PRKN: variants seen among roughly 807,000 people sequenced by gnomAD.
The protein encoded by PRKN is E3 ubiquitin-protein ligase parkin.
Under a neutral mutation model 59.5 loss-of-function variants are expected in PRKN, and 56 were observed. That is an observed-to-expected ratio of 0.94 (90% CI 0.76 to 1.18). The LOEUF is 1.18. Among genes scored for constraint, PRKN ranks in the 50% most tolerant of loss-of-function variants. PRKN has a pLI of 0.00. For synonymous variants in PRKN, 250 were observed against 222.1 expected (o/e 1.13, Z -1.12); for missense variants, 657 against 596.4 (o/e 1.10, Z -1.06).
chr6:162,008,012 A>G (rs958424392), intron 5 of PRKN, among the ~76,000 whole-genome samples: 4 of 152,198 alleles, frequency 2.6e-5, no homozygotes, highest in African/African-American at 9.7e-5. Context: ...CACACACTTA[A>G]GCAAGATACT....
rs56965676 is a variant in PRKN at position 162,253,279 on chromosome 6, AAATCTAATCT to A, written c.412+9236_412+9245del. On this transcript the variant is annotated intron_variant, in intron 3 of 11. Coordinates refer to ENST00000366898, the MANE Select transcript of PRKN (RefSeq NM_004562.3). ...AGGCATGCTGGTGACAACAGGCAACAAATCTAATCTAATCTAATCTAATCTAATCTAATCT... is the reference window on the plus strand; with the variant it reads ...AGGCATGCTGGTGACAACAGGCAACAAATCTAATCTAATCTAATCTAATCT... Among the ~76,000 whole-genome samples the A allele has an allele frequency of 3.6e-3, 545 of 149,528 alleles. 3 individuals are homozygous for A. The highest frequency in any genetic ancestry group is 0.012 in the African/African-American group (482 of 40,304).
At chr6:162,040,272 A>G (rs908090135) in intron 5 of PRKN, among the ~76,000 whole-genome samples, 9 of 152,178 alleles carry the variant, frequency 5.9e-5, no homozygotes, top group African/African-American at 1.7e-4. Context: ...CAGGTCAACA[A>G]AAGAGGAAGT....
At chr6:161,753,627 G>C (rs1009341463) in intron 7 of PRKN, among the ~76,000 whole-genome samples, 1 of 152,186 alleles carries the variant, frequency 6.6e-6, no homozygotes, top group African/African-American at 2.4e-5. Context: ...GATGAAGCAG[G>C]GAGGGAGGGC....
Position 161,451,904 on chromosome 6 carries a change from A to G in PRKN, c.1084-65027T>C, listed in dbSNP as rs1200753864. Among the ~76,000 whole-genome samples the G allele has an allele frequency of 1.3e-5, 2 of 152,120 alleles. No homozygotes were observed. ...CGTTGTAAACTACATTTATAAATTTAAGACATTCTTTTTTTTCTTTTTTCT... is the reference window on the plus strand; with the variant it reads ...CGTTGTAAACTACATTTATAAATTTGAGACATTCTTTTTTTTCTTTTTTCT... On this transcript the variant is annotated intron_variant, in intron 9 of 11. Coordinates refer to ENST00000366898, the MANE Select transcript of PRKN (RefSeq NM_004562.3). The surrounding 1 kb of genome is among the most constrained non-coding windows in gnomAD (Gnocchi z 5.9).
chr6:161,927,355 A>G (rs909171905), intron 6 of PRKN, among the ~76,000 whole-genome samples: 1 of 152,214 alleles, frequency 6.6e-6, no homozygotes, highest in Non-Finnish European at 1.5e-5. Context: ...CCATATTTTT[A>G]AGCTGAAAAA....
chr6:161,961,618 TCA>T (rs1176189856), intron 6 of PRKN, among the ~76,000 whole-genome samples: 1 of 152,128 alleles, frequency 6.6e-6, no homozygotes, highest in Non-Finnish European at 1.5e-5. Flanking sequence ...CCCGGTTCCG[TCA>T]CACCTTCACC....
intron 1 of PRKN, among the ~76,000 whole-genome samples, chr6:162,542,888 G>A (rs1224090923): frequency 6.6e-6 from 1 of 152,040 alleles, no homozygotes; most frequent in Non-Finnish European, 1.5e-5. Flanking sequence ...GTAGCGGGGG[G>A]CTCACTGCTC....
intron 1 of PRKN, among the ~76,000 whole-genome samples, chr6:162,452,146 CA>C (rs1353690061): frequency 1.3e-5 from 2 of 151,948 alleles, no homozygotes; most frequent in Non-Finnish European, 2.9e-5. Flanking sequence ...AGTTTATATC[CA>C]GTGAAAATAT....
In PRKN at chr6:162,054,718, A is replaced by G. The variant is rs574318867; in HGVS notation, c.535-544T>C. On this transcript the variant is annotated intron_variant, in intron 4 of 11. Transcript: ENST00000366898. ...AGCAAGCTTCCCTAGGCATCAAAGA[A>G]ATAAAAATTCAATAAAAGCAACACT... Among the ~76,000 whole-genome samples, 4 of 152,340 alleles carry G rather than the reference A, an allele frequency of 2.6e-5. No individual in the cohort carries two copies. In the East Asian group the frequency reaches 7.7e-4, roughly 29 times the overall value.
chr6:162,509,543 GA>G (rs1777498635), intron 1 of PRKN, among the ~76,000 whole-genome samples: 1 of 152,058 alleles, frequency 6.6e-6, no homozygotes, highest in South Asian at 2.1e-4. Context: ...ATAATTCATA[GA>G]TTTTTCCCAA....
At chr6:162,679,108 T>G (rs13193753) in intron 1 of PRKN, among the ~76,000 whole-genome samples, 136 of 147,714 alleles carry the variant, frequency 9.2e-4, no homozygotes, top group African/African-American at 3.2e-3. Flanking sequence ...ATTTATTTAT[T>G]TATGAATGAA....
intron 2 of PRKN, among the ~76,000 whole-genome samples, chr6:162,264,159 C>T (rs1327154571): frequency 6.6e-6 from 1 of 152,104 alleles, no homozygotes; most frequent in Non-Finnish European, 1.5e-5. Context: ...TACCTGTAAT[C>T]CCAGCTACTT....
At chr6:161,476,189 GA>G (rs11418009) in intron 9 of PRKN, among the ~76,000 whole-genome samples, 1,578 of 142,890 alleles carry the variant, frequency 0.011, 18 homozygotes, top group Middle Eastern at 0.028. Context: ...TCTGTCTCAG[GA>G]AAAAAAAAAA....
intron 6 of PRKN, among the ~76,000 whole-genome samples, chr6:161,914,265 T>C (rs1778471625): frequency 6.6e-6 from 1 of 152,202 alleles, no homozygotes; most frequent in Non-Finnish European, 1.5e-5. Context: ...GTCTAGATAT[T>C]GGTAAAGTGA....
intron 7 of PRKN, among the ~76,000 whole-genome samples, chr6:161,679,293 C>T (rs1317512652): frequency 6.6e-6 from 1 of 152,176 alleles, no homozygotes; most frequent in Non-Finnish European, 1.5e-5. Context: ...CCAGTACATT[C>T]CAGGGAGGCT....
rs548821682 is a variant in PRKN at position 161,372,816 on chromosome 6, A to C, written c.1168-12611T>G. Among the ~76,000 whole-genome samples, 102 of 149,226 alleles carry C rather than the reference A, an allele frequency of 6.8e-4. 1 individual carries two copies. Among genetic ancestry groups the C allele is most frequent in the African/African-American group, 2.3e-3 (92 of 40,408 alleles). On this transcript the variant is annotated intron_variant, in intron 10 of 11. Transcript: ENST00000366898. The surrounding 1 kb of genome is among the most constrained non-coding windows in gnomAD (Gnocchi z 4.2). Reference sequence around the variant, plus strand: ...CATACACTGTGGTCAACAAAGACAGAGAGACCCTATTTTTTTTTTTTTTTT... The same window carrying C: ...CATACACTGTGGTCAACAAAGACAGCGAGACCCTATTTTTTTTTTTTTTTT...
chr6:162,557,011 CA>C (rs940803283), intron 1 of PRKN, among the ~76,000 whole-genome samples: 1 of 152,068 alleles, frequency 6.6e-6, no homozygotes, highest in African/African-American at 2.4e-5. Flanking sequence ...CTTTTATATC[CA>C]AGCAATATTG....
At chr6:161,760,515 C>CCCT (rs1223707808) in intron 7 of PRKN, among the ~76,000 whole-genome samples, 3 of 151,940 alleles carry the variant, frequency 2.0e-5, no homozygotes, top group Middle Eastern at 6.8e-3. Flanking sequence ...GGAGCCTGGC[C>CCCT]CCTCCTCCTC....
intron 2 of PRKN, among the ~76,000 whole-genome samples, chr6:162,298,355 C>T (rs1781777449): frequency 6.6e-6 from 1 of 152,088 alleles, no homozygotes; most frequent in South Asian, 2.1e-4. Flanking sequence ...TTCCTCTTGT[C>T]CCTAAAGACC....
Sources: allele counts gnomAD v4.1 joint callset (sites outside exome capture counted in the v4.1 genomes callset), GRCh38; gene constraint gnomAD v4.1.1; non-coding constraint Gnocchi (gnomAD v3.1); transcripts MANE v1.5; gene names NCBI Gene and HGNC (gene_info 2026-07-23, HGNC 2026-07-21).